PADI1: variants seen among roughly 807,000 people sequenced by gnomAD.
PADI1 encodes protein-arginine deiminase type-1.
In PADI1, 65 loss-of-function variants were observed where a neutral mutation model predicts 74.8. The ratio of observed to expected loss-of-function variants is 0.87; its 90% CI spans 0.71 to 1.07. PADI1 has a LOEUF of 1.07. Among genes scored for constraint, PADI1 ranks in the 50% least tolerant of loss-of-function variants. The pLI is 0.00. For missense variants in PADI1, 943 were observed against 854.0 expected, an observed-to-expected ratio of 1.10 and a Z score of -1.30; for synonymous variants, 371 against 336.2, an observed-to-expected ratio of 1.10 and a Z score of -1.13.
chr1:17,232,001 C>G lies in PADI1; in HGVS notation c.1162-818C>G, dbSNP rs549948458. ...TTGCCTGGGCTGGAGTGCAATGGCG[C>G]GATCTTGGCTCACTGCAACCTCTGC... is the stretch of plus-strand genomic sequence containing the variant. On this transcript the variant is annotated intron_variant, in intron 10 of 15. Transcript: ENST00000375471. Among the ~76,000 whole-genome samples, 10 of 152,214 alleles carry G rather than the reference C, an allele frequency of 6.6e-5. 2 individuals are homozygous for G. The highest frequency in any genetic ancestry group is 2.2e-4 in the African/African-American group (9 of 41,526).
In PADI1 at chr1:17,205,175, G is replaced by T; in HGVS notation, c.-43G>T. The T allele has an allele frequency of 3.3e-6, 5 of 1,531,384 alleles. No individual in the cohort carries two copies. In the South Asian group the frequency reaches 5.6e-5, roughly 17 times the overall value. 94.9% of individuals were successfully genotyped at this position (1,531,384 alleles called of 1,614,324 possible). A position where few individuals can be genotyped will look rare whatever the true frequency, so the allele number is the denominator to read the frequency against. On this transcript the variant is annotated 5_prime_UTR_variant, in exon 1 of 16. Coordinates refer to ENST00000375471, the MANE Select transcript of PADI1 (RefSeq NM_013358.3). ...AAAGAAGTGCCCAGGACGGGAGCTG[G>T]GGAGCCAGGGCTGATCTAGGAGGCT...
intron 4 of PADI1, 22 bp downstream of exon 4, chr1:17,224,450 C>A (rs2072253088): frequency 6.2e-7 from 1 of 1,603,324 alleles, no homozygotes; most frequent in East Asian, 2.2e-5. Flanking sequence ...CCGGGCACCC[C>A]AAGGCTGCGG....
chr1:17,240,793 G>C lies in PADI1; in HGVS notation c.1758+33G>C, dbSNP rs367841831. The C allele has an allele frequency of 3.1e-6, 5 of 1,605,878 alleles. No individual in the cohort carries two copies. In the African/African-American group the frequency reaches 6.7e-5, roughly 21 times the overall value. The stretch of plus-strand genomic sequence containing the variant: ...CCCTTGTGCAGGGTCCTGCTGGGGG[G>C]TCTGCGGGGCTCTGAGAAGAAGCAC... On this transcript the variant is annotated intron_variant, in intron 15 of 15. Coordinates refer to ENST00000375471, the MANE Select transcript of PADI1 (RefSeq NM_013358.3).
At chr1:17,213,404 T>G (rs2071885297) in intron 1 of PADI1, among the ~76,000 whole-genome samples, 1 of 152,164 alleles carries the variant, frequency 6.6e-6, no homozygotes, top group Non-Finnish European at 1.5e-5. Flanking sequence ...CAGATAAACA[T>G]CGTCCTATAA....
intron 14 of PADI1, chr1:17,240,093 G>A (rs1459950222): frequency 1.4e-5 from 5 of 352,462 alleles, no homozygotes; most frequent in Admixed American, 1.2e-4. Context: ...CGAGAGACAC[G>A]GTGGGGAAAT....
chr1:17,232,795 G>C, intron 10 of PADI1, 24 bp from the exon 11 acceptor site: 1 of 1,597,300 alleles, frequency 6.3e-7, no homozygotes, highest in Non-Finnish European at 8.6e-7. Flanking sequence ...TCTTGGGGTG[G>C]GGGTCTCGCT....
rs567440550 is a variant in PADI1 at position 17,245,273 on chromosome 1, T to C, written c.*1030T>C. 1 of 152,808 alleles carries C rather than the reference T, an allele frequency of 6.5e-6. No individual in the cohort carries two copies. Among genetic ancestry groups the C allele is most frequent in the South Asian group, 2.1e-4 (1 of 4,830 alleles). 9.5% of individuals were successfully genotyped at this position (152,808 alleles called of 1,614,324 possible). Reference sequence around the variant, plus strand: ...CTGCAGGCAGTGGGAGGGGAAGGCTTGCCCGGTCTCTCTCAGCAACCCAGG... The same window carrying C: ...CTGCAGGCAGTGGGAGGGGAAGGCTCGCCCGGTCTCTCTCAGCAACCCAGG... On this transcript the variant is annotated 3_prime_UTR_variant, in exon 16 of 16. Transcript: ENST00000375471. This position sits in a 1 kb window ranked among gnomAD's most constrained non-coding sequence, Gnocchi z 4.1.
At chr1:17,235,406 A>G (rs1232389945) in intron 11 of PADI1, among the ~76,000 whole-genome samples, 3 of 152,150 alleles carry the variant, frequency 2.0e-5, no homozygotes, top group Non-Finnish European at 4.4e-5. Context: ...GAAAAGTCGA[A>G]AAAACTCGGT....
At chr1:17,233,189 G>A (rs1312832607) in intron 11 of PADI1, among the ~76,000 whole-genome samples, 1 of 152,192 alleles carries the variant, frequency 6.6e-6, no homozygotes, top group Non-Finnish European at 1.5e-5. Context: ...GCGATCTTTT[G>A]GCCTACCTCA....
At chr1:17,239,666 T>G in intron 13 of PADI1, 38 bp from the exon 14 acceptor site, 3 of 1,510,718 alleles carry the variant, frequency 2.0e-6, no homozygotes. Flanking sequence ...CTCCAGGCAG[T>G]GCTCCCTGAG....
intron 1 of PADI1, among the ~76,000 whole-genome samples, chr1:17,217,692 C>T (rs762798207): frequency 2.6e-5 from 4 of 152,178 alleles, no homozygotes; most frequent in Non-Finnish European, 4.4e-5. Context: ...TCACGAGGTG[C>T]TATTATGCAG....
At chr1:17,228,565 C>G in intron 6 of PADI1, 60 bp from the exon 7 acceptor site, 1 of 1,577,568 alleles carries the variant, frequency 6.3e-7, no homozygotes, top group Non-Finnish European at 8.7e-7. Flanking sequence ...TCCTGGATTC[C>G]TGGGCTTGCA....
At chr1:17,224,218 A>C in intron 3 of PADI1, 149 bp from the exon 4 acceptor site, 2 of 672,244 alleles carry the variant, frequency 3.0e-6, no homozygotes, top group Non-Finnish European at 5.4e-6. Context: ...CAAGCCACAG[A>C]GGTCTCCCAA....
At chr1:17,243,589 C>T (rs964594499) in intron 15 of PADI1, among the ~76,000 whole-genome samples, 2 of 152,220 alleles carry the variant, frequency 1.3e-5, no homozygotes, top group Non-Finnish European at 2.9e-5. Context: ...AGCAAAAGCA[C>T]ACCACACTTT....
Position 17,232,902 on chromosome 1 carries a change from C to A in PADI1, c.1245C>A (p.Ser415Arg). 6.2e-7 allele frequency: 1 copy of A among 1,613,348 alleles called. No individual in the cohort carries two copies. The highest frequency in any genetic ancestry group is 8.5e-7 in the Non-Finnish European group (1 of 1,179,912). ...SLDSFGNLDVSPPVTVGGTEY... is the reference protein window; with the variant it reads ...SLDSFGNLDVRPPVTVGGTEY... ...ACTCCTTCGGCAACCTGGACGTCAG[C>A]CCGCCCGTCACGGTGGGCGGCACGG... Residue 415 changes from serine to arginine, a missense_variant, in exon 11 of 16, where the codon AGC becomes AGA. Physicochemically the swap from Ser to Arg is moderately radical, Grantham distance 110 (BLOSUM62 -1). Coordinates refer to ENST00000375471, the MANE Select transcript of PADI1 (RefSeq NM_013358.3).
intron 2 of PADI1, 124 bp downstream of exon 2, chr1:17,222,594 C>G: frequency 1.4e-6 from 1 of 737,684 alleles, no homozygotes; most frequent in Non-Finnish European, 2.3e-6. Flanking sequence ...AAGCTTATCA[C>G]AGTACATACA....
At chr1:17,205,380 TG>T in intron 1 of PADI1, 71 bp downstream of exon 1, 1 of 1,217,594 alleles carries the variant, frequency 8.2e-7, no homozygotes, top group East Asian at 2.4e-5. Context: ...GGTGGGTGCC[TG>T]GTAGACAAGT....
At chr1:17,237,257 CA>C in intron 11 of PADI1, 56 bp from the exon 12 acceptor site, 1 of 1,533,186 alleles carries the variant, frequency 6.5e-7, no homozygotes. Context: ...ATGACTCAGG[CA>C]AGGCCTGATG....
chr1:17,234,735 G>T (rs1322160543), intron 11 of PADI1, among the ~76,000 whole-genome samples: 4 of 152,182 alleles, frequency 2.6e-5, no homozygotes, highest in African/African-American at 9.7e-5. Context: ...TACAGAAATG[G>T]CTGAGGAGCT....
Sources: allele counts gnomAD v4.1 joint callset (sites outside exome capture counted in the v4.1 genomes callset), GRCh38; gene constraint gnomAD v4.1.1; non-coding constraint Gnocchi (gnomAD v3.1); transcripts MANE v1.5; gene names NCBI Gene and HGNC (gene_info 2026-07-23, HGNC 2026-07-21).